The following RBFOX1 variants were observed in gnomAD, a reference collection of about 807,000 sequenced individuals.
RBFOX1 encodes RNA binding protein fox-1 homolog 1.
In RBFOX1, 8 loss-of-function variants were observed where a neutral mutation model predicts 57.7. That is an observed-to-expected ratio of 0.14 (90% CI 0.08 to 0.25). The LOEUF (loss-of-function observed/expected upper bound fraction) is 0.25, where lower values mean the gene tolerates loss of function less well. Among genes scored for constraint, RBFOX1 ranks in the 10% least tolerant of loss-of-function variants. The pLI is 1.00. For synonymous variants in RBFOX1, 326 were observed against 222.4 expected (o/e 1.47, Z -4.15); for missense variants, 611 against 548.5 (o/e 1.11, Z -1.14).
intron 1 of RBFOX1, among the ~76,000 whole-genome samples, chr16:6,139,119 C>T (rs576341109): frequency 6.6e-6 from 1 of 152,006 alleles, no homozygotes; most frequent in South Asian, 2.1e-4. Flanking sequence ...GTACTGTGTC[C>T]CAGGCTCTGC....
At chr16:7,077,408 G>C (rs1005844194) in intron 4 of RBFOX1, among the ~76,000 whole-genome samples, 10 of 152,140 alleles carry the variant, frequency 6.6e-5, no homozygotes, top group African/African-American at 2.4e-4. Context: ...AGTGTAGGTG[G>C]TGAAGCTACT....
At chr16:6,255,943 G>A (rs1004107390) in intron 1 of RBFOX1, among the ~76,000 whole-genome samples, 1 of 151,196 alleles carries the variant, frequency 6.6e-6, no homozygotes, top group Admixed American at 6.6e-5. Flanking sequence ...TAATGCATGC[G>A]GGGCTTAAAA....
intron 1 of RBFOX1, among the ~76,000 whole-genome samples, chr16:5,354,415 A>T (rs1057209730): frequency 6.6e-6 from 1 of 152,110 alleles, no homozygotes; most frequent in Non-Finnish European, 1.5e-5. Flanking sequence ...GGGCCATGTG[A>T]CCTTAGGCAA....
chr16:6,865,975 T>A (rs542859445), intron 3 of RBFOX1, among the ~76,000 whole-genome samples: 1 of 152,094 alleles, frequency 6.6e-6, no homozygotes, highest in Non-Finnish European at 1.5e-5. Context: ...AAGAAATGCA[T>A]TGAAAAAAAC....
At chr16:5,783,968 C>T (rs1382858544) in intron 3 of RBFOX1, among the ~76,000 whole-genome samples, 1 of 152,178 alleles carries the variant, frequency 6.6e-6, no homozygotes, top group East Asian at 1.9e-4. Flanking sequence ...TATATTCATC[C>T]ATTCTTACCT....
intron 11 of RBFOX1, among the ~76,000 whole-genome samples, chr16:7,637,298 G>T (rs2061935115): frequency 6.7e-6 from 1 of 149,188 alleles, no homozygotes; most frequent in Non-Finnish European, 1.5e-5. Flanking sequence ...GGAAAAAAAA[G>T]ATATCATGGG....
chr16:6,495,094 A>T (rs920091876), intron 2 of RBFOX1, among the ~76,000 whole-genome samples: 1 of 152,094 alleles, frequency 6.6e-6, no homozygotes, highest in African/African-American at 2.4e-5. Flanking sequence ...CCACTAATCA[A>T]TGTCCCCGCT....
chr16:7,599,992 T>C (rs530191880), intron 9 of RBFOX1, among the ~76,000 whole-genome samples: 1 of 152,204 alleles, frequency 6.6e-6, no homozygotes, highest in South Asian at 2.1e-4. Context: ...CCTGTGTGTA[T>C]CAGGCATCGC....
chr16:6,772,078 G>A (rs1401151520), intron 3 of RBFOX1, among the ~76,000 whole-genome samples: 3 of 152,164 alleles, frequency 2.0e-5, no homozygotes, highest in African/African-American at 7.2e-5. Flanking sequence ...TTCTGTGACA[G>A]GAACTGTGGC....
At chr16:6,920,616 A>G (rs141096586) in intron 3 of RBFOX1, among the ~76,000 whole-genome samples, 130 of 152,238 alleles carry the variant, frequency 8.5e-4, no homozygotes, top group African/African-American at 2.9e-3. Flanking sequence ...AGATGTGGAG[A>G]TATTAGCTCC....
chr16:6,524,603 G>C (rs2096553687), intron 2 of RBFOX1, among the ~76,000 whole-genome samples: 2 of 152,140 alleles, frequency 1.3e-5, no homozygotes. Context: ...GTGGAGGATT[G>C]TGTTTGTGTT....
intron 4 of RBFOX1, among the ~76,000 whole-genome samples, chr16:7,073,624 A>G (rs2057767975): frequency 6.6e-6 from 1 of 152,120 alleles, no homozygotes; most frequent in African/African-American, 2.4e-5. Context: ...TGAGTGGAGC[A>G]CTTGAGCCCA....
chr16:5,310,819 A>T (rs1428885667), intron 1 of RBFOX1, among the ~76,000 whole-genome samples: 1 of 152,198 alleles, frequency 6.6e-6, no homozygotes, highest in Non-Finnish European at 1.5e-5. Context: ...AGTTTGTACA[A>T]ATGAAGTACA....
intron 4 of RBFOX1, among the ~76,000 whole-genome samples, chr16:7,247,108 C>T (rs2094333032): frequency 6.6e-6 from 1 of 152,148 alleles, no homozygotes; most frequent in Admixed American, 6.5e-5. Context: ...GTCTGCAGGT[C>T]AGCTGGCCCT....
chr16:5,740,785 G>C (rs902372965), intron 3 of RBFOX1, among the ~76,000 whole-genome samples: 1 of 152,154 alleles, frequency 6.6e-6, no homozygotes, highest in Admixed American at 6.5e-5. Flanking sequence ...CAGCAGAAAA[G>C]AATGTTTCTT....
intron 1 of RBFOX1, among the ~76,000 whole-genome samples, chr16:6,193,418 ATATATAT>A (rs2097159647): frequency 8.3e-6 from 1 of 120,222 alleles, no homozygotes; most frequent in African/African-American, 3.0e-5. Context: ...ATATATATAT[ATATATAT>A]AAAATTCAGT....
chr16:5,635,772 C>T (rs748988384), intron 3 of RBFOX1, among the ~76,000 whole-genome samples: 1 of 151,810 alleles, frequency 6.6e-6, no homozygotes, highest in Non-Finnish European at 1.5e-5. Context: ...CAAGCCAGAG[C>T]AGGACTCAGA....
At chr16:7,147,866 C>G (rs574313347) in intron 4 of RBFOX1, among the ~76,000 whole-genome samples, 2 of 152,166 alleles carry the variant, frequency 1.3e-5, no homozygotes, top group Non-Finnish European at 2.9e-5. Flanking sequence ...AATGGTAGTT[C>G]TGTTTAAGCC....
intron 2 of RBFOX1, among the ~76,000 whole-genome samples, chr16:6,562,773 T>G (rs970654355): frequency 3.3e-5 from 5 of 152,176 alleles, no homozygotes; most frequent in African/African-American, 2.4e-5. Flanking sequence ...TCTTTCTAAT[T>G]GAGAAAGCTG....
Sources: gnomAD v4.1 joint callset for allele counts (sites outside exome capture counted in the v4.1 genomes callset) on GRCh38, gnomAD v4.1.1 for gene constraint, MANE v1.5 for transcripts, NCBI Gene and HGNC (gene_info 2026-07-23, HGNC 2026-07-21) for gene names.